The following MMP26 variants were observed in gnomAD, a reference collection of about 807,000 sequenced individuals.
The protein encoded by MMP26 is matrix metalloproteinase-26.
A neutral mutation model predicts 31.0 loss-of-function variants in MMP26; 33 were observed. That is an observed-to-expected ratio of 1.06 (90% confidence interval 0.81 to 1.42). The LOEUF is 1.42. Ranked by LOEUF, MMP26 falls within the 40% of genes most tolerant of loss-of-function variation. The pLI is 0.00. For synonymous variants in MMP26, 122 were observed against 114.9 expected, an observed-to-expected ratio of 1.06 and a Z score of -0.40; for missense variants, 347 against 316.1, an observed-to-expected ratio of 1.10 and a Z score of -0.74.
At chr11:4,974,091 GC>G (rs948334391) in intron 2 of MMP26, among the ~76,000 whole-genome samples, 1 of 151,766 alleles carries the variant, frequency 6.6e-6, no homozygotes, top group Non-Finnish European at 1.5e-5. Context: ...AAAAAATAAT[GC>G]AAATTGATAT....
chr11:4,815,001 T>A (rs1240414397), intron 2 of MMP26, among the ~76,000 whole-genome samples: 1 of 152,118 alleles, frequency 6.6e-6, no homozygotes, highest in East Asian at 1.9e-4. Flanking sequence ...GCATGAGACA[T>A]CAATCAATAA....
At chr11:4,827,784 T>G (rs1364829549) in intron 2 of MMP26, among the ~76,000 whole-genome samples, 1 of 151,782 alleles carries the variant, frequency 6.6e-6, no homozygotes, top group African/African-American at 2.4e-5. Flanking sequence ...TTCCTAAAAA[T>G]TACCTAAATT....
intron 1 of MMP26, among the ~76,000 whole-genome samples, chr11:4,726,849 A>T (rs1234883115): frequency 6.6e-6 from 1 of 152,240 alleles, no homozygotes; most frequent in African/African-American, 2.4e-5. Flanking sequence ...TCTACAAAAA[A>T]GTTAAAAAAT....
At chr11:4,801,646 G>A (rs2412428) in intron 2 of MMP26, among the ~76,000 whole-genome samples, 55,223 of 150,892 alleles carry the variant, frequency 0.37, 11,192 homozygotes, top group African/African-American at 0.51. Flanking sequence ...CAGTTCAAGC[G>A]ATTCTCCTGC....
intron 2 of MMP26, chr11:4,847,511 T>C (rs933977174): frequency 3.3e-5 from 5 of 152,230 alleles, no homozygotes; most frequent in African/African-American, 1.2e-4. Context: ...TGCATAGTCA[T>C]AGTGATGTTT....
intron 2 of MMP26, among the ~76,000 whole-genome samples, chr11:4,823,860 G>T (rs527857586): frequency 6.6e-6 from 1 of 152,246 alleles, no homozygotes; most frequent in South Asian, 2.1e-4. Flanking sequence ...GGCTGACTAT[G>T]AGATAAACGT....
At chr11:4,769,299 G>A (rs764303809) in intron 2 of MMP26, 2 of 1,613,532 alleles carry the variant, frequency 1.2e-6, no homozygotes, top group Non-Finnish European at 1.7e-6. Context: ...CCAGTGGTCA[G>A]GATGAGATCA....
intron 2 of MMP26, among the ~76,000 whole-genome samples, chr11:4,879,492 C>G (rs1458817706): frequency 1.3e-5 from 2 of 152,006 alleles, no homozygotes; most frequent in Non-Finnish European, 1.5e-5. Flanking sequence ...TGAAATAAGA[C>G]TTATTTCAAA....
intron 2 of MMP26, chr11:4,821,648 C>G: frequency 6.2e-7 from 1 of 1,614,062 alleles, no homozygotes; most frequent in Non-Finnish European, 8.5e-7. Flanking sequence ...CTGAGCTTGT[C>G]CCTGTGTACA....
chr11:4,746,201 C>A (rs1445789364), intron 1 of MMP26, among the ~76,000 whole-genome samples: 1 of 152,158 alleles, frequency 6.6e-6, no homozygotes, highest in Admixed American at 6.5e-5. Flanking sequence ...TATTAATTCT[C>A]ACTTTTAGTG....
intron 2 of MMP26, chr11:4,804,134 T>C (rs1225319140): frequency 1.8e-5 from 29 of 1,613,836 alleles, no homozygotes; most frequent in Non-Finnish European, 2.4e-5. Flanking sequence ...GCCAACATCT[T>C]AGGTTGAGTG....
chr11:4,899,972 A>T (rs12291286), intron 2 of MMP26, among the ~76,000 whole-genome samples: 38,753 of 151,994 alleles, frequency 0.25, 6,543 homozygotes, highest in South Asian at 0.37. Flanking sequence ...TTGTTCCCAA[A>T]TATATTTATT....
chr11:4,769,900 G>T (rs777426845), intron 2 of MMP26: 3 of 1,604,490 alleles, frequency 1.9e-6, no homozygotes, highest in South Asian at 2.2e-5. Flanking sequence ...TAGATGTTGA[G>T]TTGCTTAGGA....
intron 1 of MMP26, chr11:4,723,112 G>A (rs1422738508): frequency 6.0e-5 from 93 of 1,557,716 alleles, no homozygotes; most frequent in Non-Finnish European, 8.0e-5. Flanking sequence ...GCTGCAGGGC[G>A]GCCTCCAGCT....
At chr11:4,742,056 G>A (rs1238336387) in intron 1 of MMP26, among the ~76,000 whole-genome samples, 2 of 152,166 alleles carry the variant, frequency 1.3e-5, no homozygotes, top group African/African-American at 2.4e-5. Flanking sequence ...CTGCTCTAAC[G>A]CACAGCATGA....
At chr11:4,849,545 C>T (rs1465957733) in intron 2 of MMP26, among the ~76,000 whole-genome samples, 1 of 152,092 alleles carries the variant, frequency 6.6e-6, no homozygotes, top group Non-Finnish European at 1.5e-5. Flanking sequence ...TTATGACAAA[C>T]ACTTTAGGAA....
intron 2 of MMP26, chr11:4,832,548 C>T (rs955210702): frequency 6.6e-6 from 1 of 152,398 alleles, no homozygotes; most frequent in Non-Finnish European, 1.5e-5. Context: ...TCTATTCTCA[C>T]CAGCTTCAGG....
At position 4,769,739 on chromosome 11, in the gene MMP26, G is replaced by A. The variant is rs180724943; in HGVS notation, c.-145+2398G>A. 8 of 1,613,798 alleles carry A rather than the reference G, an allele frequency of 5.0e-6. No individual in the cohort carries two copies. The African/African-American group carries it at 1.1e-4, about 22-fold the overall frequency. The stretch of plus-strand genomic sequence containing the variant: ...TAGCCTGAAGAGGAAATAATACATG[G>A]GTTCATGGAGACTCTGCTGGGTAAT... On this transcript the variant is annotated intron_variant, in intron 2 of 7. Transcript: ENST00000380390.
At chr11:4,923,419 C>G in intron 2 of MMP26, 1 of 1,587,274 alleles carries the variant, frequency 6.3e-7, no homozygotes, top group Non-Finnish European at 8.6e-7. Flanking sequence ...ACTGAAACTT[C>G]TTAATGATGC....
Sources: allele counts gnomAD v4.1 joint callset (sites outside exome capture counted in the v4.1 genomes callset), GRCh38; gene constraint gnomAD v4.1.1; transcripts MANE v1.5; gene names NCBI Gene and HGNC (gene_info 2026-07-23, HGNC 2026-07-21).